ESR1: variants seen among roughly 807,000 people sequenced by gnomAD.
The protein encoded by ESR1 is estrogen receptor.
Under a neutral mutation model 52.7 loss-of-function variants are expected in ESR1, and 12 were observed. The ratio of observed to expected loss-of-function variants is 0.23; its 90% confidence interval spans 0.15 to 0.37. ESR1 has a LOEUF of 0.37. Ranked by LOEUF, ESR1 falls within the 10% of genes least tolerant of loss-of-function variation. The pLI, the probability that ESR1 is intolerant of heterozygous loss-of-function variation, is 1.00. For missense variants in ESR1, 584 were observed against 779.7 expected (o/e 0.75, Z 2.99); for synonymous variants, 305 against 316.8 (o/e 0.96, Z 0.39).
intron 6 of ESR1, chr6:152,112,773 G>GAAAC (rs2051160336): frequency 6.6e-6 from 1 of 152,244 alleles, no homozygotes; most frequent in Admixed American, 6.5e-5. Context: ...ACGAACAAGG[G>GAAAC]AAACTGGAAG....
intron 5 of ESR1, among the ~76,000 whole-genome samples, chr6:152,034,310 TAAA>T (rs1584929091): frequency 6.6e-6 from 1 of 151,844 alleles, no homozygotes; most frequent in East Asian, 1.9e-4. Flanking sequence ...AATAAATAAA[TAAA>T]TAAATACTAG....
At chr6:152,097,673 A>G (rs1374527937) in intron 7 of ESR1, among the ~76,000 whole-genome samples, 1 of 152,026 alleles carries the variant, frequency 6.6e-6, no homozygotes, top group East Asian at 1.9e-4. Context: ...AGTGGAGGAG[A>G]GCAGAGGAGG....
At chr6:152,030,284 A>G (rs1412415923) in intron 5 of ESR1, among the ~76,000 whole-genome samples, 3 of 152,194 alleles carry the variant, frequency 2.0e-5, no homozygotes, top group Non-Finnish European at 4.4e-5. Context: ...TTCACACATA[A>G]CAATATTAAC....
intron 6 of ESR1, among the ~76,000 whole-genome samples, chr6:152,085,017 A>T (rs896393726): frequency 1.3e-5 from 2 of 152,226 alleles, no homozygotes; most frequent in African/African-American, 4.8e-5. Context: ...GAGCATTGGC[A>T]GGCAGAGTTT....
chr6:152,126,196 G>C (rs972208134), exon 7 of ESR1: 2 of 152,204 alleles, frequency 1.3e-5, no homozygotes, highest in African/African-American at 4.8e-5. Flanking sequence ...TGTCCGTGCA[G>C]CTGGCTGCCC....
rs1222871949 is a variant in ESR1 at position 151,943,608 on chromosome 6, G to A, written c.761-565G>A. 2.6e-5 allele frequency among the ~76,000 whole-genome samples: 4 copies of A among 152,082 alleles called. No individual in the cohort carries two copies. The East Asian group carries it at 7.7e-4, about 29-fold the overall frequency. On this transcript the variant is annotated intron_variant, in intron 3 of 7. Coordinates refer to ENST00000206249, the MANE Select transcript of ESR1 (RefSeq NM_000125.4). ...GGACTTAGCACCCCAGGGGGCCAGA[G>A]GCTGTAATATACCTTATGAGCAAGT... is the stretch of plus-strand genomic sequence containing the variant.
At chr6:152,041,418 A>G (rs576686727) in intron 5 of ESR1, among the ~76,000 whole-genome samples, 1 of 152,340 alleles carries the variant, frequency 6.6e-6, no homozygotes, top group East Asian at 1.9e-4. Context: ...CCAAAATCCA[A>G]ATAGGCCTGC....
chr6:151,726,763 T>C (rs972249512), intron 2 of ESR1, among the ~76,000 whole-genome samples: 1 of 152,240 alleles, frequency 6.6e-6, no homozygotes, highest in African/African-American at 2.4e-5. Context: ...ATTTTATCTA[T>C]GGATTCTTTT....
intron 2 of ESR1, among the ~76,000 whole-genome samples, chr6:151,717,617 A>C (rs1373123187): frequency 6.6e-6 from 1 of 152,210 alleles, no homozygotes; most frequent in Non-Finnish European, 1.5e-5. Flanking sequence ...AAGGAATAAA[A>C]CTGGAAGGAA....
At chr6:151,911,838 G>A (rs746012925) in intron 3 of ESR1, among the ~76,000 whole-genome samples, 10 of 152,274 alleles carry the variant, frequency 6.6e-5, no homozygotes, top group East Asian at 5.8e-4. Context: ...ACATGCACCC[G>A]GCATTGAGCA....
chr6:152,056,789 A>G (rs775235500), intron 5 of ESR1, among the ~76,000 whole-genome samples: 3 of 152,182 alleles, frequency 2.0e-5, no homozygotes, highest in Non-Finnish European at 4.4e-5. Context: ...GTCACGTCTC[A>G]CAGTGGGAGT....
At chr6:151,970,538 A>G (rs2038800389) in intron 4 of ESR1, among the ~76,000 whole-genome samples, 1 of 152,174 alleles carries the variant, frequency 6.6e-6, no homozygotes, top group Non-Finnish European at 1.5e-5. Flanking sequence ...GATCTCAGTT[A>G]ACTAAAGAAA....
chr6:151,690,923 T>A (rs1016403365), intron 1 of ESR1, among the ~76,000 whole-genome samples: 25 of 152,336 alleles, frequency 1.6e-4, no homozygotes, highest in Non-Finnish European at 2.8e-4. Context: ...CCGACTACCC[T>A]TTTCTTAGTA....
chr6:151,914,556 A>G (rs1318628817), intron 3 of ESR1, among the ~76,000 whole-genome samples: 2 of 152,226 alleles, frequency 1.3e-5, no homozygotes, highest in Admixed American at 6.5e-5. Flanking sequence ...CACAAGGCAA[A>G]TCACCATTTT....
chr6:151,682,999 CA>C (rs1778516880), intron 1 of ESR1, among the ~76,000 whole-genome samples: 1 of 152,186 alleles, frequency 6.6e-6, no homozygotes, highest in African/African-American at 2.4e-5. Context: ...AAATTAGACT[CA>C]TATTACTATC....
At chr6:151,762,695 G>A (rs940419053) in intron 2 of ESR1, among the ~76,000 whole-genome samples, 18 of 152,244 alleles carry the variant, frequency 1.2e-4, no homozygotes, top group African/African-American at 4.3e-4. Context: ...CAGATGCAGT[G>A]GCTCACACCT....
chr6:152,122,694 A>G, intron 6 of ESR1: 2 of 1,613,648 alleles, frequency 1.2e-6, no homozygotes, highest in East Asian at 2.2e-5. Flanking sequence ...AAGAATGGAC[A>G]TAAATTACTC....
At chr6:152,047,309 G>A (rs1186695872) in intron 5 of ESR1, among the ~76,000 whole-genome samples, 1 of 152,018 alleles carries the variant, frequency 6.6e-6, no homozygotes, top group Non-Finnish European at 1.5e-5. Context: ...TTCTAACTGA[G>A]TGAATGACTG....
intron 4 of ESR1, among the ~76,000 whole-genome samples, chr6:152,000,710 A>G (rs141383351): frequency 0.012 from 1,792 of 152,108 alleles, 15 homozygotes; most frequent in Non-Finnish European, 0.019. Flanking sequence ...GCCTTGCTAA[A>G]TATTTGTAAA....
Sources: allele counts gnomAD v4.1 joint callset (sites outside exome capture counted in the v4.1 genomes callset), GRCh38; gene constraint gnomAD v4.1.1; transcripts MANE v1.5; gene names NCBI Gene and HGNC (gene_info 2026-07-23, HGNC 2026-07-21).